Variants in CCDC171 observed in about 807,000 individuals in gnomAD.
CCDC171 encodes coiled-coil domain-containing protein 171.
Under a neutral mutation model 168.2 loss-of-function variants are expected in CCDC171, and 177 were observed. The observed-to-expected ratio is 1.05, with a 90% CI of 0.93 to 1.19. CCDC171 has a LOEUF of 1.19. Among genes scored for constraint, CCDC171 ranks in the 50% most tolerant of loss-of-function variants. The probability of loss-of-function intolerance (pLI) is 0.00; values close to 1 mark genes in which losing one functional copy is unlikely to be tolerated. For synonymous variants in CCDC171, 687 were observed against 540.8 expected (o/e 1.27, Z -3.75); for missense variants, 1,991 against 1,539.0 (o/e 1.29, Z -4.91).
chr9:16,088,971 C>G, the CCDC171 span, among the ~76,000 whole-genome samples: 1 of 152,132 alleles, frequency 6.6e-6, no homozygotes. Flanking sequence ...TACTACAAGG[C>G]TACAGTAACC....
intron 3 of CCDC171, among the ~76,000 whole-genome samples, chr9:15,576,804 T>C (rs2040705499): frequency 6.6e-6 from 1 of 152,226 alleles, no homozygotes; most frequent in African/African-American, 2.4e-5. Context: ...TATTTCCTCC[T>C]GGAGCAGACT....
chr9:15,894,233 A>C (rs1820589604), intron 24 of CCDC171, among the ~76,000 whole-genome samples: 2 of 152,228 alleles, frequency 1.3e-5, no homozygotes, highest in East Asian at 3.9e-4. Flanking sequence ...TGATGAGAAC[A>C]CATTTACACA....
intron 2 of CCDC171, among the ~76,000 whole-genome samples, chr9:15,570,114 C>T (rs1298919837): frequency 6.6e-6 from 1 of 151,982 alleles, no homozygotes; most frequent in African/African-American, 2.4e-5. Context: ...GGATTACAAG[C>T]ATGAGCCACC....
Position 15,955,354 on chromosome 9 carries a change from G to A in CCDC171, c.3754-16255G>A, listed in dbSNP as rs559811721. 8.8e-4 allele frequency among the ~76,000 whole-genome samples: 134 copies of A among 152,272 alleles called. 1 individual carries two copies. Among genetic ancestry groups the A allele is most frequent in the African/African-American group, 3.1e-3 (128 of 41,558 alleles). ...TTCCCTGGATGTCACTTCAGCTGAGGGGGAGTTGCAATGTGGGGAGGTGCA... is the reference window on the plus strand; with the variant it reads ...TTCCCTGGATGTCACTTCAGCTGAGAGGGAGTTGCAATGTGGGGAGGTGCA... On this transcript the variant is annotated intron_variant, in intron 25 of 25. Coordinates refer to ENST00000380701, the MANE Select transcript of CCDC171 (RefSeq NM_173550.4).
intron 23 of CCDC171, among the ~76,000 whole-genome samples, chr9:15,866,356 C>G (rs994998327): frequency 1.5e-4 from 23 of 151,888 alleles, no homozygotes; most frequent in Non-Finnish European, 2.1e-4. Flanking sequence ...TAGCATTAGG[C>G]TAGATGGGGG....
chr9:15,740,267 A>C (rs2054777460), intron 16 of CCDC171, among the ~76,000 whole-genome samples: 1 of 152,102 alleles, frequency 6.6e-6, no homozygotes, highest in Admixed American at 6.6e-5. Context: ...CCAGAAGGCC[A>C]TCCAGTTATT....
intron 21 of CCDC171, among the ~76,000 whole-genome samples, chr9:15,809,656 G>A (rs1451059899): frequency 1.3e-5 from 2 of 152,166 alleles, no homozygotes; most frequent in African/African-American, 2.4e-5. Flanking sequence ...CCTCCTGGTG[G>A]CTTCATGGTC....
At chr9:15,664,517 G>C (rs2133116842) in intron 8 of CCDC171, among the ~76,000 whole-genome samples, 1 of 149,074 alleles carries the variant, frequency 6.7e-6, no homozygotes, top group Admixed American at 6.7e-5. Flanking sequence ...CCGGAGTGTT[G>C]GGATTACAGG....
chr9:15,716,843 C>T (rs2053121736), intron 11 of CCDC171, among the ~76,000 whole-genome samples: 2 of 152,104 alleles, frequency 1.3e-5, no homozygotes, highest in Non-Finnish European at 2.9e-5. Context: ...TCAAAGATTC[C>T]ACTTCTCAAC....
chr9:16,052,791 A>G (rs1300753209), intron 1 of CCDC171, among the ~76,000 whole-genome samples: 2 of 148,982 alleles, frequency 1.3e-5, no homozygotes, highest in African/African-American at 5.0e-5. Flanking sequence ...TCCTCCCCCA[A>G]CCCACCGCCC....
intron 1 of CCDC171, among the ~76,000 whole-genome samples, chr9:16,052,659 C>T (rs1232281282): frequency 3.9e-5 from 6 of 152,140 alleles, no homozygotes; most frequent in African/African-American, 9.7e-5. Flanking sequence ...AGCCAGGGCC[C>T]GGGGCCTTTT....
chr9:15,792,483 A>T (rs962173347), intron 21 of CCDC171, among the ~76,000 whole-genome samples: 1 of 152,224 alleles, frequency 6.6e-6, no homozygotes, highest in Non-Finnish European at 1.5e-5. Flanking sequence ...CGCCACAAAG[A>T]TACTCCTTGA....
At chr9:15,810,591 G>A (rs1023239228) in intron 21 of CCDC171, among the ~76,000 whole-genome samples, 2 of 152,170 alleles carry the variant, frequency 1.3e-5, no homozygotes, top group African/African-American at 2.4e-5. Context: ...AGCACGGTGC[G>A]GGCGGGCCGG....
intron 3 of CCDC171, among the ~76,000 whole-genome samples, chr9:16,007,294 G>T (rs558616729): frequency 3.9e-5 from 6 of 152,118 alleles, no homozygotes; most frequent in African/African-American, 1.4e-4. Flanking sequence ...TTTTTTTCTT[G>T]TAAATTTGTT....
At chr9:15,951,063 A>G (rs1829097966) in intron 25 of CCDC171, among the ~76,000 whole-genome samples, 1 of 147,956 alleles carries the variant, frequency 6.8e-6, no homozygotes, top group African/African-American at 2.4e-5. Flanking sequence ...CAATTCAACA[A>G]GAAGAGCTAG....
intron 6 of CCDC171, among the ~76,000 whole-genome samples, chr9:15,599,517 C>A (rs764930873): frequency 6.6e-6 from 1 of 152,142 alleles, no homozygotes. Flanking sequence ...CCGAGAGATC[C>A]GCTGTTAGTC....
At chr9:15,930,483 A>T (rs772447155) in intron 25 of CCDC171, among the ~76,000 whole-genome samples, 1 of 151,602 alleles carries the variant, frequency 6.6e-6, no homozygotes, top group Admixed American at 6.6e-5. Context: ...ATTTTCTCAG[A>T]TATTTTGGCA....
chr9:15,760,371 TATTA>T (rs1419877786), intron 18 of CCDC171, among the ~76,000 whole-genome samples: 2 of 152,182 alleles, frequency 1.3e-5, no homozygotes, highest in African/African-American at 2.4e-5. Context: ...ATATGCATAC[TATTA>T]ATTAGGAAAG....
intron 7 of CCDC171, among the ~76,000 whole-genome samples, chr9:15,650,103 C>T (rs543589511): frequency 6.6e-6 from 1 of 152,130 alleles, no homozygotes; most frequent in South Asian, 2.1e-4. Flanking sequence ...TTTGTAGGGA[C>T]ATGGATGAAG....
Sources: gnomAD v4.1 joint callset for allele counts (sites outside exome capture counted in the v4.1 genomes callset) on GRCh38, gnomAD v4.1.1 for gene constraint, MANE v1.5 for transcripts, NCBI Gene and HGNC (gene_info 2026-07-23, HGNC 2026-07-21) for gene names.